The following WDR72 variants were observed in gnomAD, a reference collection of about 807,000 sequenced individuals.
WDR72 encodes WD repeat-containing protein 72.
A neutral mutation model predicts 124.2 loss-of-function variants in WDR72; 120 were observed. The observed-to-expected ratio is 0.97, with a 90% CI of 0.83 to 1.12. The LOEUF (loss-of-function observed/expected upper bound fraction) is 1.12, where lower values mean the gene tolerates loss of function less well. Ranked by LOEUF, WDR72 falls within the 50% of genes most tolerant of loss-of-function variation. The probability of loss-of-function intolerance (pLI) is 0.00; values close to 1 mark genes in which losing one functional copy is unlikely to be tolerated. For missense variants in WDR72, 1,387 were observed against 1,278.8 expected (o/e 1.08, Z -1.29); for synonymous variants, 452 against 441.7 (o/e 1.02, Z -0.29).
intron 14 of WDR72, among the ~76,000 whole-genome samples, chr15:53,661,672 C>T (rs936242803): frequency 2.0e-5 from 3 of 151,932 alleles, no homozygotes; most frequent in African/African-American, 4.8e-5. Flanking sequence ...TTTAAATTGC[C>T]TAGTAGATAC....
chr15:53,682,381 T>C (rs1406119981), intron 13 of WDR72, among the ~76,000 whole-genome samples: 1 of 152,084 alleles, frequency 6.6e-6, no homozygotes, highest in Non-Finnish European at 1.5e-5. Context: ...CTGGGTCTTG[T>C]CTCTACATTG....
intron 18 of WDR72, among the ~76,000 whole-genome samples, chr15:53,551,895 T>C (rs180942985): frequency 9.3e-4 from 141 of 152,006 alleles, no homozygotes; most frequent in Admixed American, 1.5e-3. Flanking sequence ...CACATGTACA[T>C]GCAATATGCT....
chr15:53,617,703 T>G (rs954073636), intron 14 of WDR72, among the ~76,000 whole-genome samples: 1 of 151,806 alleles, frequency 6.6e-6, no homozygotes, highest in African/African-American at 2.4e-5. Flanking sequence ...TTACTACAAG[T>G]AGTAACCAGA....
At chr15:53,636,553 T>G (rs2140403520) in intron 14 of WDR72, among the ~76,000 whole-genome samples, 1 of 152,268 alleles carries the variant, frequency 6.6e-6, no homozygotes, top group African/African-American at 2.4e-5. Context: ...TATTACAAAC[T>G]ATATAAGAAA....
intron 14 of WDR72, among the ~76,000 whole-genome samples, chr15:53,643,732 A>G (rs568492010): frequency 1.3e-5 from 2 of 151,934 alleles, no homozygotes; most frequent in South Asian, 4.2e-4. Context: ...GCGTGTATGT[A>G]TCTGTGTGTG....
intron 18 of WDR72, among the ~76,000 whole-genome samples, chr15:53,563,728 T>C (rs4774667): frequency 0.76 from 115,753 of 151,584 alleles, 44,383 homozygotes; most frequent in Middle Eastern, 0.88. Flanking sequence ...TTGGATGACA[T>C]AAAGAGCACA....
chr15:53,715,388 G>A (rs765769272), intron 4 of WDR72, 21 bp from the exon 5 acceptor site: 2 of 1,613,742 alleles, frequency 1.2e-6, no homozygotes, highest in South Asian at 1.1e-5. Flanking sequence ...GGAAAGCAAA[G>A]CAAACATTTA....
chr15:53,546,142 G>T (rs1893444723), intron 18 of WDR72, among the ~76,000 whole-genome samples: 1 of 142,996 alleles, frequency 7.0e-6, no homozygotes, highest in Admixed American at 6.9e-5. Context: ...AATACCATTT[G>T]ACCCAGCCAT....
chr15:53,746,028 C>T (rs2018636369), intron 1 of WDR72, among the ~76,000 whole-genome samples: 1 of 152,136 alleles, frequency 6.6e-6, no homozygotes, highest in Admixed American at 6.5e-5. Context: ...TCAAGCAAAA[C>T]AAGAGCAATA....
intron 1 of WDR72, among the ~76,000 whole-genome samples, chr15:53,755,695 T>C (rs919825672): frequency 2.0e-5 from 3 of 152,194 alleles, no homozygotes; most frequent in Admixed American, 1.3e-4. Context: ...TGACAGATCA[T>C]GGGGCCTCCA....
At chr15:53,608,234 A>G (rs1444237454) in intron 17 of WDR72, among the ~76,000 whole-genome samples, 1 of 152,196 alleles carries the variant, frequency 6.6e-6, no homozygotes, top group Non-Finnish European at 1.5e-5. Context: ...ACAACAGCCA[A>G]GATTTGGAAG....
At chr15:53,708,802 G>C (rs147115366) in intron 9 of WDR72, among the ~76,000 whole-genome samples, 1 of 152,164 alleles carries the variant, frequency 6.6e-6, no homozygotes, top group African/African-American at 2.4e-5. Flanking sequence ...GTCTTACTCT[G>C]TGGCTGAGAC....
intron 18 of WDR72, among the ~76,000 whole-genome samples, chr15:53,532,186 C>A (rs557177286): frequency 1.3e-4 from 19 of 151,954 alleles, no homozygotes; most frequent in Non-Finnish European, 2.6e-4. Flanking sequence ...CCTCATACAC[C>A]GCTGGTGGGA....
intron 9 of WDR72, among the ~76,000 whole-genome samples, chr15:53,706,350 GTATATATATA>G (rs56246540): frequency 3.1e-3 from 79 of 25,746 alleles, no homozygotes; most frequent in African/African-American, 9.9e-3. Context: ...GTGTGTGTGT[GTATATATATA>G]TATATATATA....
Position 53,710,970 on chromosome 15 carries a change from A to G in WDR72, c.858-17T>C. On this transcript the variant is annotated splice_polypyrimidine_tract_variant and intron_variant, in intron 8 of 19. Transcript: ENST00000360509. ...GAAAGCCCACTGCGTGGCAAAAATA[A>G]AAAGCAAAGTTTAGAACTTTGAGGT... 1 of 1,607,650 alleles carries G rather than the reference A, an allele frequency of 6.2e-7. No homozygotes were observed. Among genetic ancestry groups the G allele is most frequent in the Non-Finnish European group, 8.5e-7 (1 of 1,175,456 alleles).
chr15:53,692,505 T>C (rs868005672), intron 13 of WDR72, among the ~76,000 whole-genome samples: 1 of 152,336 alleles, frequency 6.6e-6, no homozygotes, highest in Middle Eastern at 3.4e-3. Context: ...GAGTTCAAAC[T>C]TGATTTATGT....
chr15:53,726,068 T>C (rs1461661782), intron 2 of WDR72, among the ~76,000 whole-genome samples: 1 of 147,664 alleles, frequency 6.8e-6, no homozygotes, highest in East Asian at 2.0e-4. Context: ...TGAGAGTTCA[T>C]CTCAAGAAAA....
intron 14 of WDR72, among the ~76,000 whole-genome samples, chr15:53,654,787 AAC>A (rs756797865): frequency 1.8e-4 from 27 of 152,248 alleles, no homozygotes; most frequent in African/African-American, 2.4e-5. Flanking sequence ...ATTTTGACAA[AAC>A]ACACTCAGAA....
At chr15:53,719,064 A>G (rs2017799199) in intron 3 of WDR72, among the ~76,000 whole-genome samples, 1 of 152,016 alleles carries the variant, frequency 6.6e-6, no homozygotes, top group Non-Finnish European at 1.5e-5. Flanking sequence ...TCTTCCATAC[A>G]CTTTCTATCT....
Sources: allele counts gnomAD v4.1 joint callset (sites outside exome capture counted in the v4.1 genomes callset), GRCh38; gene constraint gnomAD v4.1.1; transcripts MANE v1.5; gene names NCBI Gene and HGNC (gene_info 2026-07-23, HGNC 2026-07-21).